The following HDAC4 variants were observed in gnomAD, a reference collection of about 807,000 sequenced individuals.
HDAC4 encodes the protein histone deacetylase A.
In HDAC4, 16 loss-of-function variants were observed where a neutral mutation model predicts 135.1. The ratio of observed to expected loss-of-function variants is 0.12; its 90% CI spans 0.08 to 0.18. The LOEUF (loss-of-function observed/expected upper bound fraction) is 0.18. HDAC4 is among the 10% of genes least tolerant of loss of function. The probability of loss-of-function intolerance (pLI) is 1.00; values close to 1 mark genes in which losing one functional copy is unlikely to be tolerated. For synonymous variants in HDAC4, 685 were observed against 653.4 expected (o/e 1.05, Z -0.74); for missense variants, 1,143 against 1,511.8 (o/e 0.76, Z 4.05).
At chr2:239,063,072 C>CA in intron 24 of HDAC4, among the ~76,000 whole-genome samples, 1 of 152,326 alleles carries the variant, frequency 6.6e-6, no homozygotes, top group South Asian at 2.1e-4. Flanking sequence ...TGGGGCTTGG[C>CA]ACACATGGGG....
chr2:239,189,953 C>T lies in HDAC4; in HGVS notation c.219G>A (p.Gln73=). The change falls in exon 4 of 27, where the codon CAG becomes CAA. Residue 73 remains glutamine, a synonymous_variant. Transcript: ENST00000543185. ...GCTTCTGCTTGAGCGCCAGGAGCTC[C>T]TGCTGCAGCTGCTGCTCCCGCAGGG... The part of the protein sequence containing the change: ...EPALREQQLQ[Q]ELLALKQKQQ... 4 of 1,609,006 alleles carry T rather than the reference C, an allele frequency of 2.5e-6. No homozygotes were observed. Among genetic ancestry groups the T allele is most frequent in the Admixed American group, 3.3e-5 (2 of 60,014 alleles).
intron 4 of HDAC4, 84 bp downstream of exon 4, chr2:239,189,749 C>T: frequency 1.4e-6 from 2 of 1,387,742 alleles, no homozygotes; most frequent in East Asian, 2.4e-5. Context: ...GGCCCCAGCA[C>T]ACTCCGCGGA....
chr2:239,401,566 C>T (rs1697000249), upstream of HDAC4: 2 of 216,934 alleles, frequency 9.2e-6, no homozygotes, highest in South Asian at 5.6e-5. Flanking sequence ...GAGCCTAATT[C>T]GCGCTTAGAG....
At chr2:239,295,579 C>A (rs995904701) in intron 2 of HDAC4, among the ~76,000 whole-genome samples, 1 of 152,148 alleles carries the variant, frequency 6.6e-6, no homozygotes, top group Non-Finnish European at 1.5e-5. Flanking sequence ...GAAAGGAGAA[C>A]AATGCACCCT....
At chr2:239,081,478 C>T (rs542996263) in intron 21 of HDAC4, among the ~76,000 whole-genome samples, 6 of 152,366 alleles carry the variant, frequency 3.9e-5, no homozygotes, top group African/African-American at 1.4e-4. Flanking sequence ...TCTGCGGACC[C>T]GCCGCCCTGT....
chr2:239,358,805 A>G (rs1693680932), intron 1 of HDAC4, among the ~76,000 whole-genome samples: 2 of 152,214 alleles, frequency 1.3e-5, no homozygotes, highest in South Asian at 4.1e-4. Flanking sequence ...TCCGGTACAC[A>G]CACAAAGTCA....
intron 1 of HDAC4, among the ~76,000 whole-genome samples, chr2:239,399,382 T>C (rs1674285096): frequency 6.6e-6 from 1 of 152,140 alleles, no homozygotes; most frequent in Non-Finnish European, 1.5e-5. Flanking sequence ...TGAGTTTTCT[T>C]AATTCGATCT....
chr2:239,392,973 G>C (rs1299454284), intron 1 of HDAC4, among the ~76,000 whole-genome samples: 1 of 152,170 alleles, frequency 6.6e-6, no homozygotes, highest in East Asian at 1.9e-4. Flanking sequence ...TTTCTACACA[G>C]ACTCCTGGCA....
chr2:239,145,294 G>A (rs141576052), intron 7 of HDAC4, among the ~76,000 whole-genome samples: 47 of 152,144 alleles, frequency 3.1e-4, no homozygotes, highest in African/African-American at 7.0e-4. Context: ...TCCCCACCCC[G>A]ACCTGGGGAG....
chr2:239,273,267 G>T (rs1350778504), intron 2 of HDAC4, among the ~76,000 whole-genome samples: 1 of 152,060 alleles, frequency 6.6e-6, no homozygotes. Context: ...AGGACAAGGT[G>T]AACATCAATG....
chr2:239,127,778 C>T (rs926453526), intron 11 of HDAC4, among the ~76,000 whole-genome samples: 3 of 152,188 alleles, frequency 2.0e-5, no homozygotes, highest in Non-Finnish European at 4.4e-5. Flanking sequence ...GCAAGGGCTA[C>T]GGGACCTCCA....
chr2:239,213,029 T>C (rs1440338340), intron 3 of HDAC4, among the ~76,000 whole-genome samples: 2 of 152,230 alleles, frequency 1.3e-5, no homozygotes, highest in Admixed American at 6.5e-5. Flanking sequence ...ACTTCTTTAC[T>C]GTCTGCCCCT....
At chr2:239,257,240 CA>C (rs34115531) in intron 2 of HDAC4, among the ~76,000 whole-genome samples, 116 of 136,466 alleles carry the variant, frequency 8.5e-4, no homozygotes, top group Middle Eastern at 3.6e-3. Flanking sequence ...AACACAAGTG[CA>C]AAAAAAAAAA....
intron 2 of HDAC4, among the ~76,000 whole-genome samples, chr2:239,324,129 T>C (rs2053399661): frequency 6.6e-6 from 1 of 152,192 alleles, no homozygotes; most frequent in African/African-American, 2.4e-5. Flanking sequence ...AAAAAGTAAC[T>C]AACGCACATA....
chr2:239,384,939 G>A (rs2126074910), intron 1 of HDAC4, among the ~76,000 whole-genome samples: 1 of 152,296 alleles, frequency 6.6e-6, no homozygotes, highest in Admixed American at 6.5e-5. Flanking sequence ...ACCCCACCGG[G>A]CCCAGAAACT....
intron 24 of HDAC4, among the ~76,000 whole-genome samples, chr2:239,061,759 ATAAC>A (rs1389109869): frequency 1.3e-5 from 2 of 152,250 alleles, no homozygotes; most frequent in Non-Finnish European, 2.9e-5. Context: ...GCATCAGGAC[ATAAC>A]TAATAAGCTA....
At chr2:239,107,330 C>T (rs951631859) in intron 15 of HDAC4, among the ~76,000 whole-genome samples, 6 of 152,236 alleles carry the variant, frequency 3.9e-5, no homozygotes, top group East Asian at 1.9e-4. Flanking sequence ...TATCAGGAGG[C>T]GGGGCCGGGC....
chr2:239,054,547 G>A (rs991295108), intron 25 of HDAC4, among the ~76,000 whole-genome samples: 67 of 152,178 alleles, frequency 4.4e-4, no homozygotes, highest in African/African-American at 1.6e-3. Context: ...CAGCAGGCCG[G>A]GGGAAATCCA....
intron 6 of HDAC4, chr2:239,161,738 G>A (rs2042805270): frequency 2.5e-6 from 1 of 393,386 alleles, no homozygotes; most frequent in African/African-American, 2.1e-5. Context: ...TCCAGGCCAA[G>A]ACACTCACCT....
Sources: gnomAD v4.1 joint callset for allele counts (sites outside exome capture counted in the v4.1 genomes callset) on GRCh38, gnomAD v4.1.1 for gene constraint, MANE v1.5 for transcripts, NCBI Gene and HGNC (gene_info 2026-07-23, HGNC 2026-07-21) for gene names.